Variants in SLFN14 observed in about 807,000 individuals in gnomAD.
SLFN14 encodes schlafen family member 14, also known as protein SLFN14.
A neutral mutation model predicts 58.6 loss-of-function variants in SLFN14; 47 were observed. The observed-to-expected ratio is 0.80, with a 90% confidence interval of 0.64 to 1.02. The LOEUF (loss-of-function observed/expected upper bound fraction) is 1.02, where lower values mean the gene tolerates loss of function less well. SLFN14 is among the 50% of genes least tolerant of loss of function. The pLI is 0.00. For synonymous variants in SLFN14, 390 were observed against 387.3 expected, an observed-to-expected ratio of 1.01 and a Z score of -0.08; for missense variants, 967 against 1,078.4, an observed-to-expected ratio of 0.90 and a Z score of 1.45.
chr17:35,558,266 TTTTG>T (rs1006643926), intron 2 of SLFN14, among the ~76,000 whole-genome samples, 160 bp from the exon 3 acceptor site: 3 of 152,154 alleles, frequency 2.0e-5, no homozygotes, highest in Admixed American at 6.6e-5. Context: ...GGTTTTTTAG[TTTTG>T]TTTGTTTGTT....
rs2072538469 is a variant in SLFN14 at position 35,546,900 on chromosome 17, T to G, written c.*1339A>C. ...GAGTCGGGGATGTGTGTGGGTGGTG[T>G]TGGTGGTAAAGTTGCCACCAAGGAT... On this transcript the variant is annotated 3_prime_UTR_variant, in exon 6 of 6. Transcript: ENST00000674182. Among the ~76,000 whole-genome samples the G allele has an allele frequency of 1.3e-5, 2 of 152,118 alleles. No individual in the cohort carries two copies. Among genetic ancestry groups the G allele is most frequent in the African/African-American group, 2.4e-5 (1 of 41,380 alleles).
At chr17:35,552,528 C>T (rs1304573980) in intron 5 of SLFN14, among the ~76,000 whole-genome samples, 1 of 151,810 alleles carries the variant, frequency 6.6e-6, no homozygotes, top group Non-Finnish European at 1.5e-5. Flanking sequence ...GCAACGGCTA[C>T]CCTCTTTGGG....
chr17:35,547,060 A>C lies in SLFN14; in HGVS notation c.*1179T>G, dbSNP rs879402443. ...AGAGTATAAGGCATTTCTAGCCTAC[A>C]TGAATGTATTCACATACATAGAGGA... On this transcript the variant is annotated 3_prime_UTR_variant, in exon 6 of 6. Coordinates refer to ENST00000674182, the MANE Select transcript of SLFN14 (RefSeq NM_001129820.2). 6.6e-6 allele frequency among the ~76,000 whole-genome samples: 1 copy of C among 152,206 alleles called. No individual in the cohort carries two copies. Among genetic ancestry groups the C allele is most frequent in the African/African-American group, 2.4e-5 (1 of 41,450 alleles).
Position 35,558,817 on chromosome 17 carries a change from G to T in SLFN14, c.-44-711C>A, listed in dbSNP as rs563617616. ...GCAGAAATAGAAGTTGAAGTGAGAA[G>T]ATGCTCTTATTTATAATTCAAAAGG... On this transcript the variant is annotated intron_variant, in intron 2 of 5. Coordinates refer to ENST00000674182, the MANE Select transcript of SLFN14 (RefSeq NM_001129820.2). Among the ~76,000 whole-genome samples the T allele has an allele frequency of 2.6e-5, 4 of 152,246 alleles. No homozygotes were observed. In the East Asian group the frequency reaches 5.8e-4, roughly 22 times the overall value.
In SLFN14 at chr17:35,557,303, C is replaced by A. The variant is rs540019015; in HGVS notation, c.760G>T (p.Val254Leu). ...ACTTTTTCCCACTTACATCCAACCA[C>A]TTCTTTGCTCTTATCATCCACCCCA... ...LIGVDDKSKEVVGCKWEKVNP... is the reference protein window; with the variant it reads ...LIGVDDKSKELVGCKWEKVNP... Residue 254 changes from valine (V) to leucine (L), a missense_variant, in exon 3 of 6, where the codon GTG becomes TTG. Coordinates refer to ENST00000674182, the MANE Select transcript of SLFN14 (RefSeq NM_001129820.2). 6.4e-7 allele frequency: 1 copy of A among 1,551,628 alleles called. No individual in the cohort carries two copies. The highest frequency in any genetic ancestry group is 2.0e-5 in the Admixed American group (1 of 50,992).
intron 2 of SLFN14, among the ~76,000 whole-genome samples, chr17:35,558,377 A>G (rs1050845918): frequency 3.3e-5 from 5 of 151,888 alleles, no homozygotes; most frequent in African/African-American, 4.8e-5. Flanking sequence ...TGATTCTCCA[A>G]CTTCAGTCTC....
At position 35,547,402 on chromosome 17, in the gene SLFN14, G is replaced by A. The variant is rs1325836575; in HGVS notation, c.*837C>T. Among the ~76,000 whole-genome samples the A allele has an allele frequency of 6.6e-6, 1 of 152,118 alleles. No homozygotes were observed. Among genetic ancestry groups the A allele is most frequent in the Non-Finnish European group, 1.5e-5 (1 of 68,028 alleles). On this transcript the variant is annotated 3_prime_UTR_variant, in exon 6 of 6. Coordinates refer to ENST00000674182, the MANE Select transcript of SLFN14 (RefSeq NM_001129820.2). ...ATATTGCAATAGTCTAATATAATCT[G>A]AAGATTTTTAAGATTTGAATCAAAT...
rs1315714241 is a variant in SLFN14, at chr17:35,545,435, CA to C, written c.*2803del. 6.6e-6 allele frequency among the ~76,000 whole-genome samples: 1 copy of C among 152,102 alleles called. No individual in the cohort carries two copies. On this transcript the variant is annotated 3_prime_UTR_variant, in exon 6 of 6. Transcript: ENST00000674182. ...GAAATGTGCACACATTTTTTGAGGA[CA>C]GAAAGAACAGACTAGGAGAAGGGTT...
chr17:35,554,316 T>A (rs1016084711), intron 4 of SLFN14, among the ~76,000 whole-genome samples: 5 of 147,294 alleles, frequency 3.4e-5, no homozygotes, highest in African/African-American at 1.2e-4. Context: ...ATATTATATA[T>A]AATTATATAT....
chr17:35,545,775 A>T lies in SLFN14; in HGVS notation c.*2464T>A, dbSNP rs1331409835. On this transcript the variant is annotated 3_prime_UTR_variant, in exon 6 of 6. Transcript: ENST00000674182. The stretch of plus-strand genomic sequence containing the variant: ...GACCTCAGCCTCTCAAAGTTCTGGT[A>T]TTACAGGCACCAGCCACTGCACCCT... Among the ~76,000 whole-genome samples the T allele has an allele frequency of 6.6e-6, 1 of 152,138 alleles. No individual in the cohort carries two copies. Among genetic ancestry groups the T allele is most frequent in the East Asian group, 1.9e-4 (1 of 5,188 alleles).
rs2072552784 is a variant in SLFN14, at chr17:35,548,485, T to C, written c.2493A>G (p.Ala831=). 5 of 1,551,744 alleles carry C rather than the reference T, an allele frequency of 3.2e-6. No homozygotes were observed. Among genetic ancestry groups the C allele is most frequent in the African/African-American group, 1.4e-5 (1 of 73,184 alleles). The change falls in exon 6 of 6, where the codon GCA becomes GCG. Residue 831 remains alanine, a synonymous_variant. Coordinates refer to ENST00000674182, the MANE Select transcript of SLFN14 (RefSeq NM_001129820.2). The stretch of plus-strand genomic sequence containing the variant: ...CAATTAATTCCATTGCTTTGAGTAG[T>C]GCAAGCCTATAGCGTCCTCTGTCCT... The part of the protein sequence containing the change: ...RGEDRGRYRL[A]LLKAMELIET...
rs10641330 is a variant in SLFN14, at chr17:35,544,528, C to CTTTTTT, written c.*3705_*3710dup. ...CCCAGATAACAAGATGATTTAAGAA[C>CTTTTTT]TTTTTTTTTTTTTTTTTGAGACAGA... is the stretch of plus-strand genomic sequence containing the variant. On this transcript the variant is annotated 3_prime_UTR_variant, in exon 6 of 6. Coordinates refer to ENST00000674182, the MANE Select transcript of SLFN14 (RefSeq NM_001129820.2). Among the ~76,000 whole-genome samples, 1 of 139,846 alleles carries CTTTTTT rather than the reference C, an allele frequency of 7.2e-6. No individual in the cohort carries two copies. Among genetic ancestry groups the CTTTTTT allele is most frequent in the Non-Finnish European group, 1.5e-5 (1 of 64,536 alleles). The allele number at this position is 139,846 out of a possible 152,430, so 91.7% of individuals were successfully genotyped here.
In SLFN14 at chr17:35,545,759, C is replaced by A. The variant is rs1040465746; in HGVS notation, c.*2480G>T. On this transcript the variant is annotated 3_prime_UTR_variant, in exon 6 of 6. Transcript: ENST00000674182. Reference sequence around the variant, plus strand: ...TCAAGTGATTCCCCCAGACCTCAGCCTCTCAAAGTTCTGGTATTACAGGCA... The same window carrying A: ...TCAAGTGATTCCCCCAGACCTCAGCATCTCAAAGTTCTGGTATTACAGGCA... Among the ~76,000 whole-genome samples the A allele has an allele frequency of 6.6e-6, 1 of 152,158 alleles. No homozygotes were observed. Among genetic ancestry groups the A allele is most frequent in the Non-Finnish European group, 1.5e-5 (1 of 68,024 alleles).
In SLFN14 at chr17:35,546,151, T is replaced by C. The variant is rs1477734939; in HGVS notation, c.*2088A>G. On this transcript the variant is annotated 3_prime_UTR_variant, in exon 6 of 6. Coordinates refer to ENST00000674182, the MANE Select transcript of SLFN14 (RefSeq NM_001129820.2). The stretch of plus-strand genomic sequence containing the variant: ...AATTCCTTGTCCCACTCATACTCCT[T>C]CATACTCTGTTGACTTTGACTGTTT... Among the ~76,000 whole-genome samples, 1 of 152,214 alleles carries C rather than the reference T, an allele frequency of 6.6e-6. No homozygotes were observed. The highest frequency in any genetic ancestry group is 1.5e-5 in the Non-Finnish European group (1 of 68,040).
In SLFN14 at chr17:35,553,123, C is replaced by G. The variant is rs1361139752; in HGVS notation, c.1511G>C (p.Gly504Ala). The G allele has an allele frequency of 3.2e-6, 5 of 1,551,676 alleles. No homozygotes were observed. Among genetic ancestry groups the G allele is most frequent in the Non-Finnish European group, 4.4e-6 (5 of 1,146,990 alleles). ...CAGCCTTGGAATGATGCACACTTTCCCTGTGTAACCACCAACAGTTTGCAG... is the reference window on the plus strand; with the variant it reads ...CAGCCTTGGAATGATGCACACTTTCGCTGTGTAACCACCAACAGTTTGCAG... Reference protein sequence around the residue: ...QKLQTVGGYTGKVCIIPRLIH... With the variant: ...QKLQTVGGYTAKVCIIPRLIH... Residue 504 changes from glycine to alanine, a missense_variant, in exon 5 of 6, where the codon GGG (glycine) becomes GCG (alanine). Physicochemically the swap from Gly to Ala is moderately conservative, Grantham distance 60 (BLOSUM62 0). Transcript: ENST00000674182.
intron 5 of SLFN14, among the ~76,000 whole-genome samples, chr17:35,551,879 A>G (rs2142200915): frequency 6.6e-6 from 1 of 152,358 alleles, no homozygotes; most frequent in South Asian, 2.1e-4. Flanking sequence ...TCCTCAGCCA[A>G]TGGATGCCCC....
At position 35,552,737 on chromosome 17, in the gene SLFN14, A is replaced by G. The variant is rs2072607215; in HGVS notation, c.1897T>C (p.Phe633Leu). ...YVCESDSLKD[F>L]VTQQTTCQAV... ...AGTTGGTAAAACTCTTACGTCACAA[A>G]ATCCTTTAGGGAGTCGCTTTCACAA... is the stretch of plus-strand genomic sequence containing the variant. Residue 633 changes from phenylalanine (F) to leucine (L), a missense_variant, in exon 5 of 6, where the codon TTT (phenylalanine) becomes CTT (leucine). Phe to Leu is a conservative substitution (Grantham distance 22, BLOSUM62 0). Transcript: ENST00000674182. 1 of 1,541,836 alleles carries G rather than the reference A, an allele frequency of 6.5e-7. No individual in the cohort carries two copies. The highest frequency in any genetic ancestry group is 1.4e-5 in the African/African-American group (1 of 71,830).
chr17:35,550,176 C>A (rs1344886849), intron 5 of SLFN14, among the ~76,000 whole-genome samples: 1 of 152,200 alleles, frequency 6.6e-6, no homozygotes, highest in Non-Finnish European at 1.5e-5. Context: ...ATTCACTTCT[C>A]CTGCTGACTT....
Position 35,552,920 on chromosome 17 carries a change from T to G in SLFN14, c.1714A>C (p.Ile572Leu), listed in dbSNP as rs767530083. 2 of 1,551,538 alleles carry G rather than the reference T, an allele frequency of 1.3e-6. No individual in the cohort carries two copies. The highest frequency in any genetic ancestry group is 2.7e-5 in the African/African-American group (2 of 73,020). ...QMGCEFFNLL[I>L]MEQSQLLSES... ...GAAAGCAACTGGCTCTGCTCCATTA[T>G]GAGCAAGTTGAAAAATTCACAGCCC... Residue 572 changes from isoleucine (I) to leucine (L), a missense_variant, in exon 5 of 6, where the codon ATA becomes CTA. By Grantham distance (5) the Ile-to-Leu change is conservative. Coordinates refer to ENST00000674182, the MANE Select transcript of SLFN14 (RefSeq NM_001129820.2).
Sources: gnomAD v4.1 joint callset for allele counts (sites outside exome capture counted in the v4.1 genomes callset) on GRCh38, gnomAD v4.1.1 for gene constraint, MANE v1.5 for transcripts, NCBI Gene and HGNC (gene_info 2026-07-23, HGNC 2026-07-21) for gene names.